Variants in ADGRL2 observed in about 807,000 individuals in gnomAD.
ADGRL2 encodes adhesion G protein-coupled receptor L2, also known as calcium-independent alpha-latrotoxin receptor 2.
Under a neutral mutation model 157.4 loss-of-function variants are expected in ADGRL2, and 44 were observed. The ratio of observed to expected loss-of-function variants is 0.28; its 90% CI spans 0.22 to 0.36. The LOEUF (loss-of-function observed/expected upper bound fraction) is 0.36, where lower values mean the gene tolerates loss of function less well. Among genes scored for constraint, ADGRL2 ranks in the 10% least tolerant of loss-of-function variants. The pLI is 1.00. For synonymous variants in ADGRL2, 585 were observed against 624.7 expected (o/e 0.94, Z 0.95); for missense variants, 1,510 against 1,768.9 (o/e 0.85, Z 2.63).
intron 2 of ADGRL2, among the ~76,000 whole-genome samples, chr1:81,873,378 A>T (rs2093748292): frequency 6.6e-6 from 1 of 152,094 alleles, no homozygotes; most frequent in Non-Finnish European, 1.5e-5. Flanking sequence ...AATATAGTTT[A>T]GTTACAATAC....
intron 11 of ADGRL2, among the ~76,000 whole-genome samples, chr1:81,959,886 C>T (rs369028205): frequency 5.3e-5 from 8 of 151,872 alleles, no homozygotes; most frequent in Non-Finnish European, 8.8e-5. Flanking sequence ...TTGCAGCCTC[C>T]GCCTCCTGGG....
chr1:81,629,235 G>A (rs1404385640), intron 3 of ADGRL2, among the ~76,000 whole-genome samples: 1 of 152,160 alleles, frequency 6.6e-6, no homozygotes, highest in Non-Finnish European at 1.5e-5. Flanking sequence ...AATCCTAACA[G>A]CCTTCAAAGA....
rs368333833 is a variant in ADGRL2, at chr1:81,764,282, T to C, written c.-101+2430T>C. Reference sequence around the variant, plus strand: ...AACCTAAAATAATGTTAATAAATCGTTTATTATTAATAATAAATGGCACTA... The same window carrying C: ...AACCTAAAATAATGTTAATAAATCGCTTATTATTAATAATAAATGGCACTA... On this transcript the variant is annotated intron_variant, in intron 2 of 20. Transcript: ENST00000359929. Among the ~76,000 whole-genome samples the C allele has an allele frequency of 5.9e-5, 9 of 151,714 alleles. No individual in the cohort carries two copies. The East Asian group carries it at 1.5e-3, about 26-fold the overall frequency.
intron 2 of ADGRL2, among the ~76,000 whole-genome samples, chr1:81,483,929 A>G (rs768500875): frequency 1.6e-4 from 25 of 152,294 alleles, no homozygotes; most frequent in Non-Finnish European, 3.1e-4. Context: ...TCAAATGAAA[A>G]CAATTGTGAT....
intron 2 of ADGRL2, among the ~76,000 whole-genome samples, chr1:81,447,656 G>T (rs943412383): frequency 1.3e-5 from 2 of 152,058 alleles, no homozygotes; most frequent in Non-Finnish European, 2.9e-5. Flanking sequence ...GGACCTCAAA[G>T]AAAAAGGCTG....
At chr1:81,864,310 TATA>T (rs1255840913) in intron 2 of ADGRL2, among the ~76,000 whole-genome samples, 16 of 162 alleles carry the variant, frequency 0.099, no homozygotes, top group African/African-American at 0.15. Flanking sequence ...GAAGTCAGCA[TATA>T]TATCAGTTGG....
At chr1:81,336,588 C>T (rs1336820481) in intron 1 of ADGRL2, among the ~76,000 whole-genome samples, 1 of 152,096 alleles carries the variant, frequency 6.6e-6, no homozygotes, top group South Asian at 2.1e-4. Context: ...GTATGGCTGT[C>T]AGTGCACAAA....
chr1:81,331,264 A>T (rs1661246856), intron 1 of ADGRL2, among the ~76,000 whole-genome samples: 1 of 152,158 alleles, frequency 6.6e-6, no homozygotes. Context: ...GCAAAAGATG[A>T]TAGAGAGAGA....
rs575802201 is a variant in ADGRL2, at chr1:81,637,272, T to G, written c.-143+56292T>G. Among the ~76,000 whole-genome samples the G allele has an allele frequency of 3.3e-5, 5 of 152,316 alleles. No individual in the cohort carries two copies. In the South Asian group the frequency reaches 1.0e-3, roughly 32 times the overall value. ...CATAGGAGCTTGTATACCTGTGAGG[T>G]AAAGGAATAGTTATTCCTTTAATCT... On this transcript the variant is annotated intron_variant, in intron 3 of 24. Transcript: ENST00000370721.
chr1:81,957,782 T>TA (rs1654029793), intron 11 of ADGRL2, among the ~76,000 whole-genome samples: 1 of 152,074 alleles, frequency 6.6e-6, no homozygotes, highest in Non-Finnish European at 1.5e-5. Context: ...CATTTTTAAT[T>TA]AAAAAACACT....
chr1:81,746,354 T>C (rs984734352), intron 1 of ADGRL2, among the ~76,000 whole-genome samples: 1 of 152,136 alleles, frequency 6.6e-6, no homozygotes, highest in African/African-American at 2.4e-5. Context: ...AGTGGTGTGA[T>C]CACAACTCAC....
At chr1:81,950,985 C>G in intron 7 of ADGRL2, 33 bp from the exon 8 acceptor site, 1 of 1,429,572 alleles carries the variant, frequency 7.0e-7, no homozygotes, top group African/African-American at 1.4e-5. Flanking sequence ...AAAATGGTTT[C>G]AATTTCACTG....
At chr1:81,981,735 A>G in intron 18 of ADGRL2, 73 bp from the exon 19 acceptor site, 1 of 1,136,426 alleles carries the variant, frequency 8.8e-7, no homozygotes, top group South Asian at 1.4e-5. Context: ...TACTACTGAT[A>G]TGTTAACATT....
At chr1:81,320,289 C>G (rs562688314) in intron 1 of ADGRL2, among the ~76,000 whole-genome samples, 1 of 152,238 alleles carries the variant, frequency 6.6e-6, no homozygotes, top group African/African-American at 2.4e-5. Context: ...AGTCTTGAAC[C>G]CCTCAAAGTC....
chr1:81,480,232 T>C (rs2078356933), intron 2 of ADGRL2, among the ~76,000 whole-genome samples: 1 of 152,196 alleles, frequency 6.6e-6, no homozygotes, highest in South Asian at 2.1e-4. Flanking sequence ...GGATGAACTT[T>C]TCAGAGACTG....
At chr1:81,850,644 T>C (rs2092970441) in intron 2 of ADGRL2, among the ~76,000 whole-genome samples, 1 of 151,922 alleles carries the variant, frequency 6.6e-6, no homozygotes, top group African/African-American at 2.4e-5. Flanking sequence ...TAGTAACCTT[T>C]AGGAGGCTTT....
At chr1:81,364,958 C>A (rs933964979) in intron 1 of ADGRL2, among the ~76,000 whole-genome samples, 1 of 152,096 alleles carries the variant, frequency 6.6e-6, no homozygotes, top group Admixed American at 6.6e-5. Flanking sequence ...GCCACTGCCC[C>A]CAGCCGGTAA....
chr1:81,521,541 T>A (rs987867572), intron 2 of ADGRL2, among the ~76,000 whole-genome samples: 2 of 152,212 alleles, frequency 1.3e-5, no homozygotes, highest in Admixed American at 1.3e-4. Flanking sequence ...TACCTATATA[T>A]CATATTAAAA....
intron 2 of ADGRL2, among the ~76,000 whole-genome samples, chr1:81,764,414 T>C (rs1049812420): frequency 6.6e-6 from 1 of 152,132 alleles, no homozygotes; most frequent in Non-Finnish European, 1.5e-5. Flanking sequence ...CTTGACACTT[T>C]AGCTCTCTAG....
Sources: allele counts gnomAD v4.1 joint callset (sites outside exome capture counted in the v4.1 genomes callset), GRCh38; gene constraint gnomAD v4.1.1; transcripts MANE v1.5; gene names NCBI Gene and HGNC (gene_info 2026-07-23, HGNC 2026-07-21).